Variants in NKAIN2 observed in about 807,000 individuals in gnomAD.
NKAIN2 encodes the protein sodium/potassium-transporting ATPase subunit beta-1-interacting protein 2.
Under a neutral mutation model 32.6 loss-of-function variants are expected in NKAIN2, and 14 were observed. That is an observed-to-expected ratio of 0.43 (90% CI 0.28 to 0.67). The LOEUF (loss-of-function observed/expected upper bound fraction) is 0.67, where lower values mean the gene tolerates loss of function less well. NKAIN2 is among the 30% of genes least tolerant of loss of function. The pLI is 0.17. For missense variants in NKAIN2, 198 were observed against 258.3 expected (o/e 0.77, Z 1.60); for synonymous variants, 80 against 87.2 (o/e 0.92, Z 0.46).
intron 4 of NKAIN2, among the ~76,000 whole-genome samples, chr6:124,698,791 A>T (rs1442524264): frequency 1.3e-5 from 2 of 152,204 alleles, no homozygotes; most frequent in Non-Finnish European, 2.9e-5. Context: ...TCAATTTACA[A>T]AACGTAGGGG....
At chr6:124,507,940 A>G (rs1012862588) in intron 3 of NKAIN2, among the ~76,000 whole-genome samples, 1 of 152,154 alleles carries the variant, frequency 6.6e-6, no homozygotes, top group African/African-American at 2.4e-5. Flanking sequence ...TTTAGAACAC[A>G]TACTAACAAA....
chr6:124,353,525 C>T (rs1003458725), intron 2 of NKAIN2, among the ~76,000 whole-genome samples: 3 of 152,054 alleles, frequency 2.0e-5, no homozygotes, highest in Non-Finnish European at 4.4e-5. Flanking sequence ...GAGGCCGAGA[C>T]GGGCAGATCA....
intron 3 of NKAIN2, among the ~76,000 whole-genome samples, chr6:124,541,596 A>G (rs1363678687): frequency 6.6e-6 from 1 of 152,194 alleles, no homozygotes; most frequent in African/African-American, 2.4e-5. Context: ...TAATACTGTG[A>G]CATTCAACTG....
rs773854522 is a variant in NKAIN2, at chr6:124,626,841, C to G, written c.274-31345C>G. ...ACTTATCAAGACCTATGTTCTTATTCAAAGTTGAGTCAGGCCAGAGCCCTT... is the reference window on the plus strand; with the variant it reads ...ACTTATCAAGACCTATGTTCTTATTGAAAGTTGAGTCAGGCCAGAGCCCTT... On this transcript the variant is annotated intron_variant, in intron 3 of 6. Transcript: ENST00000368417. 3.9e-4 allele frequency among the ~76,000 whole-genome samples: 60 copies of G among 152,122 alleles called. 1 individual carries two copies. Among genetic ancestry groups the G allele is most frequent in the Non-Finnish European group, 7.8e-4 (53 of 68,024 alleles).
At chr6:124,224,076 G>A (rs1386969309) in intron 1 of NKAIN2, among the ~76,000 whole-genome samples, 2 of 152,254 alleles carry the variant, frequency 1.3e-5, no homozygotes, top group East Asian at 3.9e-4. Context: ...AGAACAAGAT[G>A]ACAACTGATA....
Position 124,754,621 on chromosome 6 carries a change from A to G in NKAIN2, c.475-36718A>G, listed in dbSNP as rs117319567. The stretch of plus-strand genomic sequence containing the variant: ...ACACCAGTCAGAATGGCTATTACTA[A>G]AAGTTCAAAAAATAACAGATGCTGG... On this transcript the variant is annotated intron_variant, in intron 4 of 6. Transcript: ENST00000368417. 7.9e-3 allele frequency among the ~76,000 whole-genome samples: 1,209 copies of G among 152,236 alleles called. 6 individuals carry two copies. Among genetic ancestry groups the G allele is most frequent in the Non-Finnish European group, 0.014 (948 of 67,994 alleles).
intron 5 of NKAIN2, among the ~76,000 whole-genome samples, chr6:124,812,150 G>A (rs1322246981): frequency 6.6e-6 from 1 of 152,144 alleles, no homozygotes; most frequent in Non-Finnish European, 1.5e-5. Flanking sequence ...CTTGGCCAAA[G>A]GGGATGCAGT....
intron 2 of NKAIN2, among the ~76,000 whole-genome samples, chr6:124,334,953 T>C (rs1797807429): frequency 4.6e-5 from 7 of 152,200 alleles, no homozygotes; most frequent in Admixed American, 4.6e-4. Context: ...TCTTTTTCAC[T>C]GTCATAACTT....
chr6:124,771,362 A>C (rs1318935349), intron 4 of NKAIN2, among the ~76,000 whole-genome samples: 1 of 152,188 alleles, frequency 6.6e-6, no homozygotes, highest in Admixed American at 6.6e-5. Context: ...ATATACCCTC[A>C]AAAAAATTGA....
chr6:123,831,901 G>A (rs1337408901), intron 1 of NKAIN2, among the ~76,000 whole-genome samples: 1 of 152,060 alleles, frequency 6.6e-6, no homozygotes, highest in Non-Finnish European at 1.5e-5. Context: ...TGATCCGCCC[G>A]CCTCGGCCTT....
intron 1 of NKAIN2, among the ~76,000 whole-genome samples, chr6:124,030,687 A>T (rs553079910): frequency 1.3e-5 from 2 of 152,226 alleles, no homozygotes; most frequent in African/African-American, 4.8e-5. Flanking sequence ...AGCTTTACAG[A>T]TGACTTCACA....
chr6:124,403,641 T>C (rs997795915), intron 3 of NKAIN2, among the ~76,000 whole-genome samples: 1 of 152,208 alleles, frequency 6.6e-6, no homozygotes, highest in African/African-American at 2.4e-5. Context: ...TAGACACTAG[T>C]AAAATTAGAG....
At chr6:123,826,948 T>C (rs1483666735) in intron 1 of NKAIN2, among the ~76,000 whole-genome samples, 1 of 152,134 alleles carries the variant, frequency 6.6e-6, no homozygotes, top group African/African-American at 2.4e-5. Flanking sequence ...TGCACCTTTT[T>C]ACATTCCCAC....
intron 1 of NKAIN2, among the ~76,000 whole-genome samples, chr6:123,906,156 C>A (rs1419553753): frequency 2.0e-5 from 3 of 152,142 alleles, no homozygotes; most frequent in Non-Finnish European, 4.4e-5. Flanking sequence ...TCCTTGATCT[C>A]ATGTTTCCAG....
chr6:123,972,614 G>C lies in NKAIN2; in HGVS notation c.54+168360G>C, dbSNP rs117277305. 3.4e-3 allele frequency among the ~76,000 whole-genome samples: 518 copies of C among 152,246 alleles called. 1 individual carries two copies. The highest frequency in any genetic ancestry group is 5.1e-3 in the Non-Finnish European group (350 of 67,990). ...GTGTAAAAAGCTCTATAAAAGATAA[G>C]AGCCTGATGTTAGCTTGGAGAAAGT... On this transcript the variant is annotated intron_variant, in intron 1 of 6. Transcript: ENST00000368417.
At chr6:124,447,728 C>G (rs979194588) in intron 3 of NKAIN2, among the ~76,000 whole-genome samples, 23 of 152,112 alleles carry the variant, frequency 1.5e-4, no homozygotes, top group African/African-American at 5.6e-4. Context: ...ATAATTGCAT[C>G]CCATCTCTGC....
chr6:124,529,614 G>A (rs1165699498), intron 3 of NKAIN2, among the ~76,000 whole-genome samples: 1 of 152,120 alleles, frequency 6.6e-6, no homozygotes, highest in African/African-American at 2.4e-5. Context: ...GCACACTACT[G>A]GTCAGCAGCC....
intron 2 of NKAIN2, among the ~76,000 whole-genome samples, chr6:124,334,364 A>T (rs560343672): frequency 6.6e-6 from 1 of 152,186 alleles, no homozygotes; most frequent in African/African-American, 2.4e-5. Context: ...GAGAATAGAG[A>T]GTTTAATTCA....
chr6:124,088,653 C>T, intron 1 of NKAIN2, among the ~76,000 whole-genome samples: 1 of 151,986 alleles, frequency 6.6e-6, no homozygotes, highest in African/African-American at 2.4e-5. Flanking sequence ...CCAGAAAATA[C>T]TCACTGGATT....
Sources: allele counts gnomAD v4.1 joint callset (sites outside exome capture counted in the v4.1 genomes callset), GRCh38; gene constraint gnomAD v4.1.1; transcripts MANE v1.5; gene names NCBI Gene and HGNC (gene_info 2026-07-23, HGNC 2026-07-21).